The following MYO18B variants were observed in gnomAD, a reference collection of about 807,000 sequenced individuals.
MYO18B encodes unconventional myosin-XVIIIb.
MYO18B carries 204 observed loss-of-function variants against 273.0 expected under a neutral mutation model. The observed-to-expected ratio is 0.75, with a 90% CI of 0.67 to 0.84. The LOEUF is 0.84. Among genes scored for constraint, MYO18B ranks in the 40% least tolerant of loss-of-function variants. MYO18B has a pLI of 0.00. For missense variants in MYO18B, 3,212 were observed against 3,287.6 expected (o/e 0.98, Z 0.56); for synonymous variants, 1,330 against 1,305.7 (o/e 1.02, Z -0.40).
At chr22:25,903,971 C>A in intron 31 of MYO18B, 140 bp downstream of exon 31, 1 of 905,614 alleles carries the variant, frequency 1.1e-6, no homozygotes, top group Non-Finnish European at 1.7e-6. Context: ...AACCTTTAAG[C>A]TCCTAAGTCT....
chr22:26,022,501 C>T (rs556024850), intron 42 of MYO18B, among the ~76,000 whole-genome samples: 1 of 152,118 alleles, frequency 6.6e-6, no homozygotes, highest in African/African-American at 2.4e-5. Flanking sequence ...GTGGTGCAGA[C>T]AGGAAGTAGA....
In MYO18B at chr22:25,817,298, C is replaced by T. The variant is rs148971886; in HGVS notation, c.2522-6207C>T. Among the ~76,000 whole-genome samples the T allele has an allele frequency of 3.7e-3, 547 of 149,312 alleles. 1 individual carries two copies. Among genetic ancestry groups the T allele is most frequent in the Middle Eastern group, 0.014 (4 of 288 alleles). The stretch of plus-strand genomic sequence containing the variant: ...TCTTTGTCTCTCTTTCTGTCTCTTT[C>T]TCTCTCTTTCTTTCCCTCCTTCTTT... On this transcript the variant is annotated intron_variant, in intron 12 of 43. Coordinates refer to ENST00000335473, the MANE Select transcript of MYO18B (RefSeq NM_032608.7).
At chr22:25,896,199 G>A (rs1260394647) in intron 28 of MYO18B, 2 of 152,126 alleles carry the variant, frequency 1.3e-5, no homozygotes, top group Non-Finnish European at 2.9e-5. Context: ...ATGAGGCTTA[G>A]ACCTGGGGTT....
chr22:26,038,543 T>A, the MYO18B span, among the ~76,000 whole-genome samples: 1 of 152,160 alleles, frequency 6.6e-6, no homozygotes, highest in Non-Finnish European at 1.5e-5. Context: ...GAAGCCAAAG[T>A]CCAGGGTCTC....
At chr22:26,051,363 A>G in the MYO18B span, among the ~76,000 whole-genome samples, 1 of 151,492 alleles carries the variant, frequency 6.6e-6, no homozygotes, top group Non-Finnish European at 1.5e-5. Flanking sequence ...AGCTGGGATT[A>G]CAGGCGCCCA....
At chr22:25,792,486 TTTTTTCTTTTC>T (rs1269792685) in intron 11 of MYO18B, among the ~76,000 whole-genome samples, 81 of 58,274 alleles carry the variant, frequency 1.4e-3, no homozygotes, top group African/African-American at 2.7e-3. Context: ...TGTTTCTTTT[TTTTTTCTTTTC>T]TTTTTTTTTT....
intron 42 of MYO18B, among the ~76,000 whole-genome samples, chr22:26,018,034 C>T (rs1935520860): frequency 7.3e-6 from 1 of 136,794 alleles, no homozygotes; most frequent in African/African-American, 2.8e-5. Context: ...CTTGAATGGG[C>T]AACTCTATGC....
chr22:25,941,651 A>G (rs2285205), intron 34 of MYO18B, among the ~76,000 whole-genome samples: 52,601 of 152,192 alleles, frequency 0.35, 9,380 homozygotes, highest in Middle Eastern at 0.44. Context: ...GTGGCCCCAT[A>G]TTTCTTTCTG....
At chr22:25,875,508 C>CG (rs1174270420) in intron 23 of MYO18B, among the ~76,000 whole-genome samples, 3 of 151,790 alleles carry the variant, frequency 2.0e-5, no homozygotes, top group Non-Finnish European at 4.4e-5. Context: ...GTTCTGGTCC[C>CG]CCCCCCAGTG....
At chr22:26,026,058 TAAAC>T (rs537974117) in intron 42 of MYO18B, among the ~76,000 whole-genome samples, 1,876 of 152,264 alleles carry the variant, frequency 0.012, 35 homozygotes, top group African/African-American at 0.043. Context: ...TGGCCCCAAA[TAAAC>T]AAACAGCCCA....
chr22:25,839,120 ATGAG>A (rs577168278), intron 17 of MYO18B, among the ~76,000 whole-genome samples: 1,447 of 138,496 alleles, frequency 0.01, 15 homozygotes, highest in Non-Finnish European at 0.017. Flanking sequence ...GTATATATGT[ATGAG>A]TGTTTGTGTA....
chr22:25,762,472 G>A (rs530410401), intron 2 of MYO18B, among the ~76,000 whole-genome samples: 4 of 152,334 alleles, frequency 2.6e-5, no homozygotes, highest in Non-Finnish European at 4.4e-5. Context: ...CACTTCAGTC[G>A]GCCACAGCCG....
chr22:25,813,706 C>T (rs1478230705), intron 12 of MYO18B, among the ~76,000 whole-genome samples: 2 of 152,230 alleles, frequency 1.3e-5, no homozygotes, highest in African/African-American at 4.8e-5. Context: ...GTTCATAAAG[C>T]ATCAGCCTAA....
intron 21 of MYO18B, among the ~76,000 whole-genome samples, chr22:25,864,875 T>C (rs2090841721): frequency 6.6e-6 from 1 of 152,216 alleles, no homozygotes; most frequent in Admixed American, 6.5e-5. Flanking sequence ...TTCAATTACC[T>C]GGGCAATTCC....
intron 42 of MYO18B, among the ~76,000 whole-genome samples, chr22:26,009,804 C>T (rs190852700): frequency 6.6e-6 from 1 of 152,180 alleles, no homozygotes; most frequent in Non-Finnish European, 1.5e-5. Context: ...GGCTGATTCT[C>T]TCTCCACCTG....
intron 2 of MYO18B, 81 bp from the exon 3 acceptor site, chr22:25,763,150 C>A: frequency 2.0e-6 from 3 of 1,535,940 alleles, no homozygotes; most frequent in Non-Finnish European, 2.7e-6. Flanking sequence ...CCCTCCCAGG[C>A]TCCATCACAA....
At chr22:25,956,403 A>G (rs2092852603) in intron 39 of MYO18B, among the ~76,000 whole-genome samples, 1 of 152,070 alleles carries the variant, frequency 6.6e-6, no homozygotes, top group African/African-American at 2.4e-5. Flanking sequence ...TTTAGTAGAG[A>G]CAGGGTTTCA....
intron 22 of MYO18B, among the ~76,000 whole-genome samples, chr22:25,871,980 T>A (rs1335110033): frequency 2.1e-5 from 1 of 47,540 alleles, no homozygotes; most frequent in Non-Finnish European, 6.9e-5. Flanking sequence ...GATCATTGAT[T>A]TTTTTTTTAT....
chr22:25,948,489 T>TTTCC (rs1491555385), intron 36 of MYO18B, among the ~76,000 whole-genome samples: 9 of 121,312 alleles, frequency 7.4e-5, no homozygotes, highest in African/African-American at 2.6e-4. Flanking sequence ...TTTCTTTCTC[T>TTTCC]TTCTTTCTTT....
Sources: allele counts gnomAD v4.1 joint callset (sites outside exome capture counted in the v4.1 genomes callset), GRCh38; gene constraint gnomAD v4.1.1; transcripts MANE v1.5; gene names NCBI Gene and HGNC (gene_info 2026-07-23, HGNC 2026-07-21).